SIGMAR1: variants seen among roughly 807,000 people sequenced by gnomAD.
SIGMAR1 encodes the protein SR31747 binding protein 1.
SIGMAR1 carries 18 observed loss-of-function variants against 25.4 expected under a neutral mutation model. The ratio of observed to expected loss-of-function variants is 0.71; its 90% CI spans 0.49 to 1.05. The LOEUF (loss-of-function observed/expected upper bound fraction) is 1.05, where lower values mean the gene tolerates loss of function less well. Among genes scored for constraint, SIGMAR1 ranks in the 50% least tolerant of loss-of-function variants. SIGMAR1 has a pLI of 0.00. For missense variants in SIGMAR1, 249 were observed against 301.6 expected (o/e 0.83, Z 1.29); for synonymous variants, 125 against 131.6 (o/e 0.95, Z 0.34).
chr9:34,636,647 A>T, intron 3 of SIGMAR1: 1 of 372,014 alleles, frequency 2.7e-6, no homozygotes. Flanking sequence ...AAAACAAACA[A>T]ATAAAAAGAT....
rs767184508 is a variant in SIGMAR1, at chr9:34,637,535, C to G, written c.151+12G>C. ...GGCCGGCCGCTCCCCTCCCTGCCCTCTGCCCGCTCACCAGCGTACTGCCGC... is the reference window on the plus strand; with the variant it reads ...GGCCGGCCGCTCCCCTCCCTGCCCTGTGCCCGCTCACCAGCGTACTGCCGC... On this transcript the variant is annotated intron_variant, in intron 1 of 3. Transcript: ENST00000277010. The G allele has an allele frequency of 2.5e-6, 4 of 1,585,426 alleles. No individual in the cohort carries two copies. The highest frequency in any genetic ancestry group is 3.4e-6 in the Non-Finnish European group (4 of 1,170,508).
At chr9:34,636,356 G>A (rs1820859684) in intron 3 of SIGMAR1, among the ~76,000 whole-genome samples, 3 of 151,414 alleles carry the variant, frequency 2.0e-5, no homozygotes, top group South Asian at 2.1e-4. Context: ...GGGAGCGGCC[G>A]GGCGCGGTGG....
Position 34,635,725 on chromosome 9 carries a change from G to A in SIGMAR1, c.579C>T (p.Thr193=), listed in dbSNP as rs1054606433. The A allele has an allele frequency of 2.5e-6, 4 of 1,614,242 alleles. No individual in the cohort carries two copies. The highest frequency in any genetic ancestry group is 3.4e-6 in the Non-Finnish European group (4 of 1,180,048). ...TATAGAAGAGGGTGAGGAAGTCCTG[G>A]GTGCTGAAGACAGTGTCGGCCAGCG... The part of the protein sequence containing the change: ...AFALADTVFS[T]QDFLTLFYTL... The change falls in exon 4 of 4, where the codon ACC becomes ACT. Residue 193 remains threonine, a synonymous_variant. Coordinates refer to ENST00000277010, the MANE Select transcript of SIGMAR1 (RefSeq NM_005866.4). This position sits in a 1 kb window ranked among gnomAD's most constrained non-coding sequence, Gnocchi z 4.5.
chr9:34,636,318 T>TAAAA (rs764614552), intron 3 of SIGMAR1, among the ~76,000 whole-genome samples: 3 of 119,754 alleles, frequency 2.5e-5, no homozygotes, highest in African/African-American at 9.3e-5. Flanking sequence ...GTTTCACTAT[T>TAAAA]AAAAAAAAAA....
In SIGMAR1 at chr9:34,637,421, C is replaced by G; in HGVS notation, c.152-1G>C. On this transcript the variant is annotated splice_acceptor_variant, in intron 1 of 3. Coordinates refer to ENST00000277010, the MANE Select transcript of SIGMAR1 (RefSeq NM_005866.4). LOFTEE classifies it high-confidence loss of function. ...GAGAAGGCCAGCTCGTGGTCCAGCC[C>G]TGGCGGAGGCAGAGGGGCGGCGGAG... 6.2e-7 allele frequency: 1 copy of G among 1,602,094 alleles called. No homozygotes were observed. Among genetic ancestry groups the G allele is most frequent in the South Asian group, 1.1e-5 (1 of 90,682 alleles).
Position 34,637,062 on chromosome 9 carries a change from G to A in SIGMAR1, c.380C>T (p.Thr127Ile), listed in dbSNP as rs1293699179. The A allele has an allele frequency of 2.5e-6, 4 of 1,614,142 alleles. No homozygotes were observed. Among genetic ancestry groups the A allele is most frequent in the Non-Finnish European group, 1.7e-6 (2 of 1,180,052 alleles). The change falls in exon 3 of 4, where the codon ACC becomes ATC. Residue 127 changes from threonine (T) to isoleucine (I), a missense_variant. Physicochemically the swap from Thr to Ile is moderately conservative, Grantham distance 89 (BLOSUM62 -1). Coordinates refer to ENST00000277010, the MANE Select transcript of SIGMAR1 (RefSeq NM_005866.4). ...CTGGTGGAAGGTGCCAGAGATGATG[G>A]TATCCGAGATCTCAGCCCAGTAGCG... is the stretch of plus-strand genomic sequence containing the variant. ...SGRYWAEISDTIISGTFHQWR... is the reference protein window; with the variant it reads ...SGRYWAEISDIIISGTFHQWR...
chr9:34,635,662 G>A lies in SIGMAR1; in HGVS notation c.642C>T (p.Leu214=), dbSNP rs755103728. ...RSYARGLRLE[L]TTYLFGQDP Reference sequence around the variant, plus strand: ...GGTCCTGGCCAAAGAGGTAGGTGGTGAGCTCAAGCCGGAGGCCCCGAGCAT... The same window carrying A: ...GGTCCTGGCCAAAGAGGTAGGTGGTAAGCTCAAGCCGGAGGCCCCGAGCAT... The change falls in exon 4 of 4, where the codon CTC becomes CTT. Residue 214 remains leucine, a synonymous_variant. Transcript: ENST00000277010. This position sits in a 1 kb window ranked among gnomAD's most constrained non-coding sequence, Gnocchi z 4.5. The A allele has an allele frequency of 5.6e-6, 9 of 1,614,208 alleles. No individual in the cohort carries two copies. Among genetic ancestry groups the A allele is most frequent in the Non-Finnish European group, 7.6e-6 (9 of 1,180,018 alleles).
chr9:34,637,130 C>T lies in SIGMAR1; in HGVS notation c.353-41G>A, dbSNP rs763406062. On this transcript the variant is annotated intron_variant, in intron 2 of 3. Transcript: ENST00000277010. ...ACATGACACTATCAGGGTATTCGCG[C>T]CATTGCATGGCCCAGCCAAACATCA... 10 of 1,611,636 alleles carry T rather than the reference C, an allele frequency of 6.2e-6. No homozygotes were observed. In the Middle Eastern group the frequency reaches 4.9e-4, roughly 80 times the overall value.
At position 34,635,420 on chromosome 9, in the gene SIGMAR1, G is replaced by C; in HGVS notation, c.*212C>G. 1 of 717,558 alleles carries C rather than the reference G, an allele frequency of 1.4e-6. No individual in the cohort carries two copies. Among genetic ancestry groups the C allele is most frequent in the South Asian group, 1.7e-5 (1 of 58,070 alleles). The allele number at this position is 717,558 out of a possible 1,614,324, so 44.4% of individuals were successfully genotyped here. ...ATGGGTGTGAGTGCATGGTCCTACT[G>C]TACACACAGGTCTCAGTATCTATAT... On this transcript the variant is annotated 3_prime_UTR_variant, in exon 4 of 4. Transcript: ENST00000277010. The surrounding 1 kb of genome is among the most constrained non-coding windows in gnomAD (Gnocchi z 4.5).
In SIGMAR1 at chr9:34,635,677, G is replaced by GC; in HGVS notation, c.626dup (p.Leu210ProfsTer4). 2 of 1,614,240 alleles carry GC rather than the reference G, an allele frequency of 1.2e-6. No individual in the cohort carries two copies. Among genetic ancestry groups the GC allele is most frequent in the Non-Finnish European group, 1.7e-6 (2 of 1,180,040 alleles). On this transcript the variant is annotated frameshift_variant, in exon 4 of 4. Coordinates refer to ENST00000277010, the MANE Select transcript of SIGMAR1 (RefSeq NM_005866.4). LOFTEE classifies it high-confidence loss of function. This position sits in a 1 kb window ranked among gnomAD's most constrained non-coding sequence, Gnocchi z 4.5. Reference sequence around the variant, plus strand: ...GGTAGGTGGTGAGCTCAAGCCGGAGGCCCCGAGCATAGGAGCGAAGAGTAT... The same window carrying GC: ...GGTAGGTGGTGAGCTCAAGCCGGAGGCCCCCGAGCATAGGAGCGAAGAGTAT...
intron 3 of SIGMAR1, chr9:34,636,707 T>C (rs1288226403): frequency 7.7e-6 from 4 of 521,612 alleles, no homozygotes; most frequent in East Asian, 6.9e-5. Context: ...TGATTACCCA[T>C]TGTCTCCCCA....
chr9:34,635,490 C>A lies in SIGMAR1; in HGVS notation c.*142G>T. 5.5e-6 allele frequency: 7 copies of A among 1,263,960 alleles called. No homozygotes were observed. The South Asian group carries it at 7.7e-5, about 14-fold the overall frequency. The allele number at this position is 1,263,960 out of a possible 1,614,324, so 78.3% of individuals were successfully genotyped here. A position where few individuals can be genotyped will look rare whatever the true frequency, so the allele number is the denominator to read the frequency against. ...GGGTCTCTGTGTTTGGATACATAAG[C>A]ATGGATATCCCTGCTCATACAGCAG... is the stretch of plus-strand genomic sequence containing the variant. On this transcript the variant is annotated 3_prime_UTR_variant, in exon 4 of 4. Transcript: ENST00000277010. This position sits in a 1 kb window ranked among gnomAD's most constrained non-coding sequence, Gnocchi z 4.5.
Position 34,637,070 on chromosome 9 carries a change from G to T in SIGMAR1, c.372C>A (p.Ile124=), listed in dbSNP as rs749047578. ...RGHSGRYWAE[I]SDTIISGTFH... ...AGGTGCCAGAGATGATGGTATCCGA[G>T]ATCTCAGCCCAGTAGCGCCCTGAGT... Residue 124 remains isoleucine, a synonymous_variant, in exon 3 of 4, where the codon ATC becomes ATA. Coordinates refer to ENST00000277010, the MANE Select transcript of SIGMAR1 (RefSeq NM_005866.4). 2.5e-6 allele frequency: 4 copies of T among 1,614,116 alleles called. No individual in the cohort carries two copies. The highest frequency in any genetic ancestry group is 3.4e-6 in the Non-Finnish European group (4 of 1,180,034).
In SIGMAR1 at chr9:34,637,376, G is replaced by A; in HGVS notation, c.196C>T (p.Arg66Trp). 6.2e-7 allele frequency: 1 copy of A among 1,605,876 alleles called. No individual in the cohort carries two copies. Among genetic ancestry groups the A allele is most frequent in the Non-Finnish European group, 8.5e-7 (1 of 1,179,592 alleles). The change falls in exon 2 of 4, where the codon CGG becomes TGG. Residue 66 changes from arginine (R) to tryptophan (W), a missense_variant. Transcript: ENST00000277010. ...LAFSRLIVEL[R>W]RLHPGHVLPD... ...AGCACGTGGCCTGGGTGCAGCCGCC[G>A]CAGCTCCACGATCAGACGAGAGAAG...
In SIGMAR1 at chr9:34,635,537, T is replaced by C; in HGVS notation, c.*95A>G. The C allele has an allele frequency of 6.4e-7, 1 of 1,558,160 alleles. No individual in the cohort carries two copies. Among genetic ancestry groups the C allele is most frequent in the Non-Finnish European group, 8.7e-7 (1 of 1,145,582 alleles). ...GCAGGAACTCAGGATCTGCATGGTG[T>C]ATGTCCCTGTCTGTAAACATGGGCT... On this transcript the variant is annotated 3_prime_UTR_variant, in exon 4 of 4. Transcript: ENST00000277010. This position sits in a 1 kb window ranked among gnomAD's most constrained non-coding sequence, Gnocchi z 4.5.
intron 3 of SIGMAR1, 109 bp downstream of exon 3, chr9:34,636,888 C>T: frequency 1.1e-6 from 1 of 892,158 alleles, no homozygotes. Context: ...GGAAGGGAAC[C>T]ATGAGGAGGG....
rs1434827016 is a variant in SIGMAR1, at chr9:34,637,638, C to A, written c.60G>T (p.Ala20=). The change falls in exon 1 of 4, where the codon GCG becomes GCT. Residue 20 remains alanine (A), a synonymous_variant. Transcript: ENST00000277010. ...AGAGCCAGACGACCTGGGTCAGCAC[C>A]GCTGCGACAGCCAGGAGCAGCGCGG... ...AWAALLLAVA[A]VLTQVVWLWL... 6.5e-7 allele frequency: 1 copy of A among 1,539,008 alleles called. No individual in the cohort carries two copies. Among genetic ancestry groups the A allele is most frequent in the South Asian group, 1.2e-5 (1 of 84,214 alleles).
chr9:34,636,369 C>T (rs1820860695), intron 3 of SIGMAR1, among the ~76,000 whole-genome samples: 5 of 150,062 alleles, frequency 3.3e-5, no homozygotes, highest in Admixed American at 3.3e-4. Context: ...CGCGGTGGCT[C>T]ACACCTGTAA....
intron 2 of SIGMAR1, 31 bp downstream of exon 2, chr9:34,637,189 C>A (rs1444478143): frequency 4.8e-5 from 74 of 1,550,106 alleles, no homozygotes; most frequent in Non-Finnish European, 6.3e-5. Flanking sequence ...ACAACCCCAG[C>A]CTCCCAGTCT....
Sources: gnomAD v4.1 joint callset for allele counts (sites outside exome capture counted in the v4.1 genomes callset) on GRCh38, gnomAD v4.1.1 for gene constraint, Gnocchi (gnomAD v3.1) non-coding constraint, MANE v1.5 for transcripts, NCBI Gene and HGNC (gene_info 2026-07-23, HGNC 2026-07-21) for gene names.